Variants in CACNA2D3 observed in about 807,000 individuals in gnomAD.
CACNA2D3 encodes voltage-dependent calcium channel subunit alpha-2/delta-3.
CACNA2D3 carries 60 observed loss-of-function variants against 160.6 expected under a neutral mutation model. That is an observed-to-expected ratio of 0.37 (90% CI 0.30 to 0.46). The LOEUF (loss-of-function observed/expected upper bound fraction) is 0.46. Ranked by LOEUF, CACNA2D3 falls within the 20% of genes least tolerant of loss-of-function variation. The probability of loss-of-function intolerance (pLI) is 1.00; values close to 1 mark genes in which losing one functional copy is unlikely to be tolerated. For missense variants in CACNA2D3, 1,205 were observed against 1,365.0 expected, an observed-to-expected ratio of 0.88 and a Z score of 1.85; for synonymous variants, 558 against 492.9, an observed-to-expected ratio of 1.13 and a Z score of -1.75.
At chr3:54,877,496 A>G (rs766519829) in intron 18 of CACNA2D3, among the ~76,000 whole-genome samples, 4 of 152,104 alleles carry the variant, frequency 2.6e-5, no homozygotes, top group South Asian at 2.1e-4. Flanking sequence ...CATTAGTTCC[A>G]TTTTTCAGAA....
chr3:54,297,750 C>T lies in CACNA2D3; in HGVS notation c.205-22692C>T, dbSNP rs184338657. Among the ~76,000 whole-genome samples the T allele has an allele frequency of 2.6e-5, 4 of 151,924 alleles. 1 individual carries two copies. Among genetic ancestry groups the T allele is most frequent in the Admixed American group, 2.0e-4 (3 of 15,266 alleles). ...AAAAAGAGTGAAGAAATGGTAACAC[C>T]ACTAAGAAGCTTTCCTGACCTCCCT... On this transcript the variant is annotated intron_variant, in intron 2 of 37. Transcript: ENST00000474759.
chr3:54,654,746 T>G (rs573474336), intron 11 of CACNA2D3, among the ~76,000 whole-genome samples: 7 of 152,248 alleles, frequency 4.6e-5, no homozygotes, highest in African/African-American at 1.7e-4. Flanking sequence ...CTGAAGGAGA[T>G]GCAATGAGAC....
chr3:54,201,895 T>C (rs1044796243), intron 2 of CACNA2D3, among the ~76,000 whole-genome samples: 5 of 152,230 alleles, frequency 3.3e-5, no homozygotes, highest in Admixed American at 1.3e-4. Flanking sequence ...TGACATTTAA[T>C]GCACATCAGA....
intron 13 of CACNA2D3, among the ~76,000 whole-genome samples, chr3:54,785,260 A>G (rs1702614220): frequency 6.6e-6 from 1 of 152,160 alleles, no homozygotes; most frequent in African/African-American, 2.4e-5. Flanking sequence ...GAAGATGTCC[A>G]TTTTGATTTT....
At chr3:54,271,205 C>G (rs1702615929) in intron 2 of CACNA2D3, among the ~76,000 whole-genome samples, 1 of 152,274 alleles carries the variant, frequency 6.6e-6, no homozygotes, top group South Asian at 2.1e-4. Flanking sequence ...AATGAGACAG[C>G]TGGGCTCTTG....
chr3:54,978,453 A>G (rs1449812663), intron 29 of CACNA2D3, among the ~76,000 whole-genome samples: 3 of 152,218 alleles, frequency 2.0e-5, no homozygotes, highest in Non-Finnish European at 4.4e-5. Flanking sequence ...GTCAGAAAGC[A>G]TTGGTATGGC....
At chr3:54,246,724 C>CAA (rs751213857) in intron 2 of CACNA2D3, among the ~76,000 whole-genome samples, 1 of 147,750 alleles carries the variant, frequency 6.8e-6, no homozygotes, top group African/African-American at 2.6e-5. Context: ...AACTCCATCT[C>CAA]AAAAAAACAA....
rs532675889 is a variant in CACNA2D3 at position 54,543,273 on chromosome 3, A to C, written c.545-19527A>C. ...CGGAGGGTGGCGTTAGGTTGTAATA[A>C]TCCCATCTTAGTACAAACAAAATGT... On this transcript the variant is annotated intron_variant, in intron 5 of 37. Coordinates refer to ENST00000474759, the MANE Select transcript of CACNA2D3 (RefSeq NM_018398.3). Among the ~76,000 whole-genome samples, 4 of 152,338 alleles carry C rather than the reference A, an allele frequency of 2.6e-5. No homozygotes were observed. The South Asian group carries it at 8.3e-4, about 32-fold the overall frequency.
chr3:54,731,448 T>G (rs530669477), intron 11 of CACNA2D3, among the ~76,000 whole-genome samples: 2 of 152,326 alleles, frequency 1.3e-5, no homozygotes, highest in East Asian at 3.9e-4. Flanking sequence ...TGACCACTTG[T>G]GTACATTTAA....
chr3:54,951,507 T>C (rs991514998), intron 27 of CACNA2D3, among the ~76,000 whole-genome samples: 7 of 152,164 alleles, frequency 4.6e-5, no homozygotes, highest in African/African-American at 1.4e-4. Flanking sequence ...AGTTGTAGGA[T>C]TTCAGTTACT....
chr3:54,534,536 A>C (rs773876503), intron 5 of CACNA2D3, among the ~76,000 whole-genome samples: 2 of 151,880 alleles, frequency 1.3e-5, no homozygotes, highest in African/African-American at 2.4e-5. Context: ...GTAATGGTAT[A>C]TGGCCTCTCT....
intron 9 of CACNA2D3, among the ~76,000 whole-genome samples, chr3:54,625,271 C>G (rs1699072289): frequency 6.6e-6 from 1 of 151,904 alleles, no homozygotes; most frequent in African/African-American, 2.4e-5. Context: ...GCCTGGCATA[C>G]AAGGTGCTCA....
chr3:54,659,225 T>G lies in CACNA2D3; in HGVS notation c.1167+16984T>G, dbSNP rs530712161. Among the ~76,000 whole-genome samples, 13 of 152,304 alleles carry G rather than the reference T, an allele frequency of 8.5e-5. No homozygotes were observed. In the South Asian group the frequency reaches 1.5e-3, roughly 17 times the overall value. On this transcript the variant is annotated intron_variant, in intron 11 of 37. Transcript: ENST00000474759. ...GTCATCTGCTAGAAGCAGAACACTTTGTGAGCTGGGCACTGCGTTTGTTTT... is the reference window on the plus strand; with the variant it reads ...GTCATCTGCTAGAAGCAGAACACTTGGTGAGCTGGGCACTGCGTTTGTTTT...
chr3:54,455,341 T>A (rs1169451156), intron 4 of CACNA2D3, among the ~76,000 whole-genome samples: 1 of 152,206 alleles, frequency 6.6e-6, no homozygotes, highest in Non-Finnish European at 1.5e-5. Context: ...TGATTAGCGA[T>A]GTTGAGCATT....
chr3:54,281,392 G>C (rs1468866752), intron 2 of CACNA2D3, among the ~76,000 whole-genome samples: 2 of 152,116 alleles, frequency 1.3e-5, no homozygotes, highest in Admixed American at 6.5e-5. Flanking sequence ...GCCTGTGTCA[G>C]ACCACGTGGG....
At chr3:54,877,921 C>T (rs1192566332) in intron 18 of CACNA2D3, among the ~76,000 whole-genome samples, 1 of 152,168 alleles carries the variant, frequency 6.6e-6, no homozygotes, top group East Asian at 1.9e-4. Context: ...TTAGGACCAG[C>T]TCTCCCTGTC....
At chr3:54,550,373 G>A (rs937382078) in intron 5 of CACNA2D3, among the ~76,000 whole-genome samples, 11 of 152,184 alleles carry the variant, frequency 7.2e-5, no homozygotes, top group South Asian at 2.1e-4. Flanking sequence ...GGCCTTCCCC[G>A]GAGCTGTGAG....
At chr3:54,545,902 G>C (rs1702056307) in intron 5 of CACNA2D3, among the ~76,000 whole-genome samples, 1 of 152,142 alleles carries the variant, frequency 6.6e-6, no homozygotes, top group African/African-American at 2.4e-5. Context: ...TTTCAGGACT[G>C]CTGGGCTTGC....
intron 5 of CACNA2D3, among the ~76,000 whole-genome samples, chr3:54,530,357 C>T (rs865907814): frequency 5.9e-5 from 9 of 152,068 alleles, no homozygotes; most frequent in African/African-American, 1.2e-4. Context: ...TGATGAGCCC[C>T]GTGGAGCTGG....
Sources: gnomAD v4.1 joint callset for allele counts (sites outside exome capture counted in the v4.1 genomes callset) on GRCh38, gnomAD v4.1.1 for gene constraint, MANE v1.5 for transcripts, NCBI Gene and HGNC (gene_info 2026-07-23, HGNC 2026-07-21) for gene names.